Variants in NLGN1 observed in about 807,000 individuals in gnomAD.
The protein encoded by NLGN1 is neuroligin 1.
A neutral mutation model predicts 65.5 loss-of-function variants in NLGN1; 12 were observed. That is an observed-to-expected ratio of 0.18 (90% CI 0.12 to 0.30). The LOEUF (loss-of-function observed/expected upper bound fraction) is 0.30. NLGN1 is among the 10% of genes least tolerant of loss of function. NLGN1 has a pLI of 1.00. For synonymous variants in NLGN1, 350 were observed against 359.5 expected (o/e 0.97, Z 0.30); for missense variants, 750 against 1,007.1 (o/e 0.74, Z 3.46).
chr3:173,498,634 C>T (rs910468265), intron 2 of NLGN1, among the ~76,000 whole-genome samples: 1 of 151,878 alleles, frequency 6.6e-6, no homozygotes, highest in Non-Finnish European at 1.5e-5. Context: ...ACCACACTGA[C>T]TTCCACAATG....
At chr3:173,590,592 G>A (rs551892661) in intron 2 of NLGN1, among the ~76,000 whole-genome samples, 81 of 152,202 alleles carry the variant, frequency 5.3e-4, no homozygotes, top group African/African-American at 1.8e-3. Flanking sequence ...ATCAATAAAC[G>A]TTTATTGAAT....
chr3:174,142,012 A>G (rs774966267), intron 4 of NLGN1, among the ~76,000 whole-genome samples: 1 of 152,088 alleles, frequency 6.6e-6, no homozygotes, highest in Non-Finnish European at 1.5e-5. Flanking sequence ...TCCCCTATGT[A>G]CCCTTCTAAT....
chr3:173,496,110 C>T (rs1021903551), intron 2 of NLGN1, among the ~76,000 whole-genome samples: 2 of 151,686 alleles, frequency 1.3e-5, no homozygotes, highest in Non-Finnish European at 2.9e-5. Context: ...TGTCTCCCTG[C>T]CTTCTTTTAT....
At chr3:173,523,402 T>C (rs1399420680) in intron 2 of NLGN1, among the ~76,000 whole-genome samples, 1 of 151,778 alleles carries the variant, frequency 6.6e-6, no homozygotes, top group Non-Finnish European at 1.5e-5. Context: ...TATGTTTAAA[T>C]ATTTTATCCA....
chr3:174,263,168 T>C lies in NLGN1; in HGVS notation c.647-12147T>C, dbSNP rs912409496. Reference sequence around the variant, plus strand: ...GAAAAAAATGTATATTCTGTTGATTTGGGAGGGAGTTCTGTAGATATCTAT... The same window carrying C: ...GAAAAAAATGTATATTCTGTTGATTCGGGAGGGAGTTCTGTAGATATCTAT... On this transcript the variant is annotated intron_variant, in intron 4 of 6. Coordinates refer to ENST00000457714, the Ensembl canonical transcript of NLGN1. Among the ~76,000 whole-genome samples, 36 of 150,762 alleles carry C rather than the reference T, an allele frequency of 2.4e-4. 1 individual carries two copies. The highest frequency in any genetic ancestry group is 4.4e-4 in the Non-Finnish European group (30 of 68,002).
In NLGN1 at chr3:174,095,527, A is replaced by ATATATC. The variant is rs1165176169; in HGVS notation, c.647-179782_647-179777dup. On this transcript the variant is annotated intron_variant, in intron 4 of 6. Transcript: ENST00000457714. ...TATGGAGGTGACACACACATCCATT[A>ATATATC]TATATCTATATATATATATATAAAA... 1.8e-3 allele frequency among the ~76,000 whole-genome samples: 238 copies of ATATATC among 133,198 alleles called. 1 individual carries two copies. Among genetic ancestry groups the ATATATC allele is most frequent in the African/African-American group, 7.7e-3 (223 of 28,916 alleles). The allele number at this position is 133,198 out of a possible 152,430, so 87.4% of individuals were successfully genotyped here.
chr3:173,523,406 T>C (rs1735106333), intron 2 of NLGN1, among the ~76,000 whole-genome samples: 1 of 151,880 alleles, frequency 6.6e-6, no homozygotes, highest in South Asian at 2.1e-4. Flanking sequence ...TTTAAATATT[T>C]TATCCATCTT....
At chr3:173,704,212 A>C (rs1161923526) in intron 3 of NLGN1, among the ~76,000 whole-genome samples, 2 of 152,208 alleles carry the variant, frequency 1.3e-5, no homozygotes, top group Non-Finnish European at 2.9e-5. Flanking sequence ...TGGCACATAG[A>C]AGTGTGTCCT....
chr3:174,151,019 T>C (rs1468420430), intron 4 of NLGN1, among the ~76,000 whole-genome samples: 1 of 127,022 alleles, frequency 7.9e-6, no homozygotes, highest in Non-Finnish European at 1.6e-5. Context: ...ATCTGGTTCA[T>C]AGACTTTTTT....
chr3:174,155,310 C>CA (rs995310653), intron 4 of NLGN1, among the ~76,000 whole-genome samples: 8 of 151,196 alleles, frequency 5.3e-5, no homozygotes, highest in African/African-American at 1.9e-4. Context: ...GAGAGGAACT[C>CA]AGACTCCTTA....
chr3:173,606,421 G>A (rs780352732), intron 3 of NLGN1, among the ~76,000 whole-genome samples: 4 of 151,914 alleles, frequency 2.6e-5, no homozygotes, highest in Non-Finnish European at 5.9e-5. Flanking sequence ...CTTTTCTATG[G>A]CAGTAAATCA....
rs1289955937 is a variant in NLGN1 at position 173,740,032 on chromosome 3, AAAAG to A, written c.494-67642_494-67639del. ...TCCCTAATTTAGGTTATTTATTTAA[AAAAG>A]AAAGAGTATAGGGGAGAGGAAACAA... On this transcript the variant is annotated intron_variant, in intron 3 of 6. Coordinates refer to ENST00000457714, the Ensembl canonical transcript of NLGN1. Among the ~76,000 whole-genome samples the A allele has an allele frequency of 1.6e-4, 25 of 152,272 alleles. No homozygotes were observed. In the South Asian group the frequency reaches 5.0e-3, roughly 30 times the overall value.
intron 3 of NLGN1, among the ~76,000 whole-genome samples, chr3:173,722,477 T>A (rs1771017394): frequency 6.6e-6 from 1 of 152,022 alleles, no homozygotes; most frequent in African/African-American, 2.4e-5. Context: ...CCTCACCTCG[T>A]GATGTGCCCG....
chr3:174,106,032 C>A (rs1015151688), intron 4 of NLGN1, among the ~76,000 whole-genome samples: 8 of 152,054 alleles, frequency 5.3e-5, no homozygotes, highest in African/African-American at 1.9e-4. Flanking sequence ...GGTGATAATA[C>A]CTTTACACGA....
intron 3 of NLGN1, among the ~76,000 whole-genome samples, chr3:173,668,618 T>G (rs574086523): frequency 7.4e-6 from 1 of 135,992 alleles, no homozygotes; most frequent in Non-Finnish European, 1.5e-5. Context: ...ACTTTTCTTT[T>G]CTTTTTTTTT....
chr3:174,137,618 C>T (rs1241573288), intron 4 of NLGN1, among the ~76,000 whole-genome samples: 1 of 152,100 alleles, frequency 6.6e-6, no homozygotes, highest in South Asian at 2.1e-4. Context: ...TTTTTATGCT[C>T]TACCAGAAAT....
chr3:173,830,765 T>C (rs1425817959), intron 4 of NLGN1, among the ~76,000 whole-genome samples: 1 of 152,218 alleles, frequency 6.6e-6, no homozygotes, highest in East Asian at 1.9e-4. Context: ...ATAATACTAA[T>C]GATGAATTAA....
intron 4 of NLGN1, among the ~76,000 whole-genome samples, chr3:174,056,258 G>C (rs906752464): frequency 3.3e-5 from 5 of 151,758 alleles, no homozygotes; most frequent in Non-Finnish European, 7.4e-5. Flanking sequence ...TGAGTATGTT[G>C]GTAATTCCTC....
At chr3:173,756,603 A>T (rs1227800917) in intron 3 of NLGN1, among the ~76,000 whole-genome samples, 1 of 151,888 alleles carries the variant, frequency 6.6e-6, no homozygotes, top group Non-Finnish European at 1.5e-5. Context: ...AGAAGCAGTG[A>T]GCATAAAAAT....
Sources: allele counts gnomAD v4.1 joint callset (sites outside exome capture counted in the v4.1 genomes callset), GRCh38; gene constraint gnomAD v4.1.1; transcripts MANE v1.5; gene names NCBI Gene and HGNC (gene_info 2026-07-23, HGNC 2026-07-21).